The following WRNIP1 variants were observed in gnomAD, a reference collection of about 807,000 sequenced individuals.
WRNIP1 encodes ATPase WRNIP1.
A neutral mutation model predicts 56.1 loss-of-function variants in WRNIP1; 41 were observed. That is an observed-to-expected ratio of 0.73 (90% CI 0.57 to 0.95). The LOEUF (loss-of-function observed/expected upper bound fraction) is 0.95, where lower values mean the gene tolerates loss of function less well. WRNIP1 is among the 40% of genes least tolerant of loss of function. The pLI is 0.00. For missense variants in WRNIP1, 1,170 were observed against 939.4 expected, an observed-to-expected ratio of 1.25 and a Z score of -3.21; for synonymous variants, 547 against 398.1, an observed-to-expected ratio of 1.37 and a Z score of -4.45.
rs766348656 is a variant in WRNIP1, at chr6:2,770,137, C to T, written c.1032C>T (p.His344=). 6.2e-6 allele frequency: 10 copies of T among 1,614,116 alleles called. No individual in the cohort carries two copies. Among genetic ancestry groups the T allele is most frequent in the East Asian group, 2.2e-5 (1 of 44,904 alleles). ...NKSQQDTFLP[H]VECGTITLIG... ...ATGATTAGGACACTTTCCTTCCTCA[C>T]GTGGAATGTGGGACGATCACTCTGA... Residue 344 remains histidine, a synonymous_variant, in exon 3 of 7, where the codon CAC becomes CAT. Coordinates refer to ENST00000380773, the MANE Select transcript of WRNIP1 (RefSeq NM_020135.3).
chr6:2,772,804 T>G (rs542451908), intron 3 of WRNIP1, among the ~76,000 whole-genome samples: 5 of 152,230 alleles, frequency 3.3e-5, no homozygotes, highest in African/African-American at 7.2e-5. Flanking sequence ...TTTAGTTGTT[T>G]TAGGTAAAAT....
chr6:2,775,853 A>C (rs3799248), intron 3 of WRNIP1, among the ~76,000 whole-genome samples: 21,134 of 152,240 alleles, frequency 0.14, 1,841 homozygotes, highest in East Asian at 0.32. Flanking sequence ...ATAGTGTTTT[A>C]TTATAACAAC....
chr6:2,785,209 G>A lies in WRNIP1; in HGVS notation c.1925G>A (p.Ser642Asn), dbSNP rs1765681501. The A allele has an allele frequency of 1.2e-6, 2 of 1,614,086 alleles. No homozygotes were observed. The highest frequency in any genetic ancestry group is 1.3e-5 in the African/African-American group (1 of 74,922). The stretch of plus-strand genomic sequence containing the variant: ...GGCTACAAGTACAACCCCATGTACA[G>A]CGAGCCTGTGGATCAGGAGTACCTG... ...GKGYKYNPMY[S>N]EPVDQEYLPE... The change falls in exon 7 of 7, where the codon AGC becomes AAC. Residue 642 changes from serine (S) to asparagine (N), a missense_variant. Transcript: ENST00000380773.
At chr6:2,774,439 A>G (rs1765385357) in intron 3 of WRNIP1, 1 of 222,728 alleles carries the variant, frequency 4.5e-6, no homozygotes, top group Admixed American at 6.5e-5. Flanking sequence ...TGACTATGTC[A>G]CTCCAGTCTC....
Position 2,783,325 on chromosome 6 carries a change from G to A in WRNIP1, c.1487-81G>A, listed in dbSNP as rs926245203. On this transcript the variant is annotated intron_variant, in intron 4 of 6. Coordinates refer to ENST00000380773, the MANE Select transcript of WRNIP1 (RefSeq NM_020135.3). ...GGGCCTTTATTCGTTCAGGCTTTCT[G>A]GAAGTCAGCTGGCGGAGGTGAAGAT... is the stretch of plus-strand genomic sequence containing the variant. The A allele has an allele frequency of 4.9e-6, 7 of 1,429,918 alleles. No individual in the cohort carries two copies. In the South Asian group the frequency reaches 8.7e-5, roughly 18 times the overall value. The allele number at this position is 1,429,918 out of a possible 1,614,324, so 88.6% of individuals were successfully genotyped here. A position where few individuals can be genotyped will look rare whatever the true frequency, so the allele number is the denominator to read the frequency against.
chr6:2,777,738 T>C (rs3799243), intron 3 of WRNIP1, among the ~76,000 whole-genome samples: 21,092 of 152,254 alleles, frequency 0.14, 1,821 homozygotes, highest in East Asian at 0.32. Context: ...AACTAATTTC[T>C]GGTTGAGCAG....
intron 3 of WRNIP1, among the ~76,000 whole-genome samples, chr6:2,771,815 T>C (rs1765288455): frequency 6.6e-6 from 1 of 152,160 alleles, no homozygotes. Flanking sequence ...TAGAACCACA[T>C]GGTAAAGACA....
In WRNIP1 at chr6:2,786,633, T is replaced by C. The variant is rs1483284939; in HGVS notation, c.*1351T>C. On this transcript the variant is annotated 3_prime_UTR_variant, in exon 7 of 7. Coordinates refer to ENST00000380773, the MANE Select transcript of WRNIP1 (RefSeq NM_020135.3). ...TAGACCTCAGGAGACTCAAAATGCT[T>C]TTATTGTACCTTCAGACGTGTCTGA... 1 of 152,150 alleles carries C rather than the reference T, an allele frequency of 6.6e-6. No individual in the cohort carries two copies. The highest frequency in any genetic ancestry group is 1.9e-4 in the East Asian group (1 of 5,184). The allele number at this position is 152,150 out of a possible 1,614,324, so 9.4% of individuals were successfully genotyped here.
rs889684607 is a variant in WRNIP1 at position 2,785,565 on chromosome 6, A to G, written c.*283A>G. 5 of 390,136 alleles carry G rather than the reference A, an allele frequency of 1.3e-5. No homozygotes were observed. Among genetic ancestry groups the G allele is most frequent in the African/African-American group, 1.0e-4 (5 of 49,246 alleles). 24.2% of individuals were successfully genotyped at this position (390,136 alleles called of 1,614,324 possible). A position where few individuals can be genotyped will look rare whatever the true frequency, so the allele number is the denominator to read the frequency against. On this transcript the variant is annotated 3_prime_UTR_variant, in exon 7 of 7. Transcript: ENST00000380773. Reference sequence around the variant, plus strand: ...AAGGAATTATCTATTTTGTCATAGTATTTAAGTCATAATGTCATTTCAGAA... The same window carrying G: ...AAGGAATTATCTATTTTGTCATAGTGTTTAAGTCATAATGTCATTTCAGAA...
intron 3 of WRNIP1, chr6:2,774,048 C>T (rs1488489672): frequency 1.6e-5 from 16 of 985,186 alleles, no homozygotes; most frequent in Non-Finnish European, 1.6e-5. Flanking sequence ...TCTTAAATAA[C>T]CTTTTGTGCC....
intron 3 of WRNIP1, among the ~76,000 whole-genome samples, chr6:2,771,713 T>C (rs1765283862): frequency 6.6e-6 from 1 of 152,236 alleles, no homozygotes; most frequent in Non-Finnish European, 1.5e-5. Context: ...ATCAAAAAAA[T>C]AGGAAATTCA....
chr6:2,765,777 C>A lies in WRNIP1; in HGVS notation c.155C>A (p.Ala52Asp). 6.9e-7 allele frequency: 1 copy of A among 1,442,616 alleles called. No homozygotes were observed. The highest frequency in any genetic ancestry group is 9.1e-7 in the Non-Finnish European group (1 of 1,099,346). The allele number at this position is 1,442,616 out of a possible 1,614,324, so 89.4% of individuals were successfully genotyped here. ...CCGGCGGGGCACGCGGAGCCCGCGG[C>A]CGGGTCGCACCGCGCCGGGGAGCGG... Reference protein sequence around the residue: ...LHPAGHAEPAAGSHRAGERAK... With the variant: ...LHPAGHAEPADGSHRAGERAK... Residue 52 changes from alanine (A) to aspartate (D), a missense_variant, in exon 1 of 7, where the codon GCC becomes GAC. Coordinates refer to ENST00000380773, the MANE Select transcript of WRNIP1 (RefSeq NM_020135.3).
chr6:2,768,263 G>A (rs1335783862), intron 1 of WRNIP1, among the ~76,000 whole-genome samples: 3 of 152,128 alleles, frequency 2.0e-5, no homozygotes, highest in Non-Finnish European at 2.9e-5. Flanking sequence ...CTTCCAGTTC[G>A]GGCTGTGGTT....
chr6:2,773,171 TAA>T (rs997543031), intron 3 of WRNIP1: 19 of 985,312 alleles, frequency 1.9e-5, no homozygotes, highest in South Asian at 4.7e-5. Context: ...TAAAGTGAAA[TAA>T]GTGTTCTTTT....
At chr6:2,772,070 C>T in intron 3 of WRNIP1, among the ~76,000 whole-genome samples, 1 of 152,144 alleles carries the variant, frequency 6.6e-6, no homozygotes, top group East Asian at 1.9e-4. Flanking sequence ...TTTCACCTCT[C>T]CCCAGTCACT....
At chr6:2,778,296 G>C (rs1432325757) in intron 3 of WRNIP1, among the ~76,000 whole-genome samples, 1 of 152,164 alleles carries the variant, frequency 6.6e-6, no homozygotes, top group East Asian at 1.9e-4. Flanking sequence ...TTGATGACAT[G>C]GGTGAACTGT....
At chr6:2,778,520 G>A (rs934386129) in intron 3 of WRNIP1, among the ~76,000 whole-genome samples, 1 of 152,180 alleles carries the variant, frequency 6.6e-6, no homozygotes, top group African/African-American at 2.4e-5. Flanking sequence ...CTGATGTTCA[G>A]AGAGAGGTTA....
In WRNIP1 at chr6:2,765,709, C is replaced by T. The variant is rs759252797; in HGVS notation, c.87C>T (p.Ala29=). The T allele has an allele frequency of 7.8e-6, 12 of 1,545,746 alleles. No individual in the cohort carries two copies. Among genetic ancestry groups the T allele is most frequent in the African/African-American group, 7.1e-5 (5 of 70,242 alleles). The change falls in exon 1 of 7, where the codon GCC becomes GCT. Residue 29 remains alanine (A), a synonymous_variant. Transcript: ENST00000380773. The part of the protein sequence containing the change: ...QCPVCQQMMP[A]AHINSHLDRC... ...CCGTGTGCCAGCAGATGATGCCCGC[C>T]GCGCACATCAACTCGCACCTGGACC...
chr6:2,769,979 C>A, intron 2 of WRNIP1, 141 bp from the exon 3 acceptor site: 1 of 1,210,936 alleles, frequency 8.3e-7, no homozygotes, highest in Admixed American at 2.3e-5. Context: ...CATCTATATT[C>A]AGTGAATATA....
Sources: gnomAD v4.1 joint callset for allele counts (sites outside exome capture counted in the v4.1 genomes callset) on GRCh38, gnomAD v4.1.1 for gene constraint, MANE v1.5 for transcripts, NCBI Gene and HGNC (gene_info 2026-07-23, HGNC 2026-07-21) for gene names.